EXOC1L: variants seen among roughly 807,000 people sequenced by gnomAD.
EXOC1L encodes exocyst complex component 1 like.
In EXOC1L, 10 loss-of-function variants were observed where a neutral mutation model predicts 4.9. The observed-to-expected ratio is 2.02, with a 90% CI of 1.25 to 3.43. The LOEUF is 3.43. EXOC1L is among the 30% of genes most tolerant of loss of function. The probability of loss-of-function intolerance (pLI) is 0.00; values close to 1 mark genes in which losing one functional copy is unlikely to be tolerated. For missense variants in EXOC1L, 114 were observed against 59.4 expected (o/e 1.92, Z -3.02); for synonymous variants, 41 against 20.8 (o/e 1.97, Z -2.63).
intron 1 of EXOC1L, among the ~76,000 whole-genome samples, chr4:55,823,771 C>T (rs1002181557): frequency 1.3e-5 from 2 of 151,890 alleles, no homozygotes; most frequent in African/African-American, 2.4e-5. Context: ...TGCAGTGTCA[C>T]GATTTCGGCT....
chr4:55,837,475 G>A lies in EXOC1L; in HGVS notation c.*124G>A, dbSNP rs1720202865. On this transcript the variant is annotated 3_prime_UTR_variant, in exon 3 of 3. Transcript: ENST00000636125. ...ATAATTTAAATAAAAATAAAGTAAT[G>A]CTTTGTGAATTGCAGTGAAATGCAT... 1 of 442,670 alleles carries A rather than the reference G, an allele frequency of 2.3e-6. No individual in the cohort carries two copies. The highest frequency in any genetic ancestry group is 4.0e-6 in the Non-Finnish European group (1 of 250,790). The allele number at this position is 442,670 out of a possible 1,614,324, so 27.4% of individuals were successfully genotyped here. A position where few individuals can be genotyped will look rare whatever the true frequency, so the allele number is the denominator to read the frequency against.
chr4:55,821,330 A>T (rs1719732023), intron 1 of EXOC1L, among the ~76,000 whole-genome samples: 1 of 152,178 alleles, frequency 6.6e-6, no homozygotes, highest in Non-Finnish European at 1.5e-5. Context: ...AAAGAAATTA[A>T]GTATTTTAGA....
At chr4:55,835,019 A>T (rs1343866936) in intron 2 of EXOC1L, among the ~76,000 whole-genome samples, 1 of 151,758 alleles carries the variant, frequency 6.6e-6, no homozygotes, top group African/African-American at 2.4e-5. Context: ...CCATTGTGTC[A>T]TTCTTATGCT....
At chr4:55,834,347 A>G (rs1276614083) in intron 2 of EXOC1L, among the ~76,000 whole-genome samples, 1 of 151,850 alleles carries the variant, frequency 6.6e-6, no homozygotes, top group Non-Finnish European at 1.5e-5. Flanking sequence ...CTCTGCCAAT[A>G]ACTAAATGTG....
At chr4:55,821,447 C>T (rs1044541762) in intron 1 of EXOC1L, among the ~76,000 whole-genome samples, 34 of 151,900 alleles carry the variant, frequency 2.2e-4, no homozygotes, top group African/African-American at 8.0e-4. Context: ...ATGCTTATTC[C>T]AACATTAAAA....
intron 2 of EXOC1L, 34 bp from the exon 3 acceptor site, chr4:55,837,051 T>C (rs1015153232): frequency 1.5e-6 from 1 of 650,378 alleles, no homozygotes; most frequent in Non-Finnish European, 2.8e-6. Context: ...CTTTCTTGGC[T>C]ACCAACTAAA....
Position 55,837,379 on chromosome 4 carries a change from G to T in EXOC1L, c.*28G>T. On this transcript the variant is annotated 3_prime_UTR_variant, in exon 3 of 3. Coordinates refer to ENST00000636125, the MANE Select transcript of EXOC1L (RefSeq NM_001351574.3). ...CTGTGTACCACATTCCTTCATCAGT[G>T]ACCTATGAAAATGGTTTCCCAAGTA... The T allele has an allele frequency of 2.2e-6, 1 of 447,422 alleles. No individual in the cohort carries two copies. Among genetic ancestry groups the T allele is most frequent in the South Asian group, 5.6e-5 (1 of 17,770 alleles). 27.7% of individuals were successfully genotyped at this position (447,422 alleles called of 1,614,324 possible).
chr4:55,823,239 T>C (rs931667407), intron 1 of EXOC1L, among the ~76,000 whole-genome samples: 5 of 152,020 alleles, frequency 3.3e-5, no homozygotes, highest in African/African-American at 1.2e-4. Context: ...TAATAATCAT[T>C]TACAATAAGA....
intron 1 of EXOC1L, among the ~76,000 whole-genome samples, chr4:55,822,520 A>G (rs927878683): frequency 6.6e-6 from 1 of 152,208 alleles, no homozygotes; most frequent in Non-Finnish European, 1.5e-5. Context: ...GGAATAAGTC[A>G]CATGTGCAAT....
intron 1 of EXOC1L, among the ~76,000 whole-genome samples, chr4:55,826,437 G>T (rs1038016955): frequency 2.0e-5 from 3 of 151,958 alleles, no homozygotes; most frequent in African/African-American, 7.3e-5. Flanking sequence ...TGGTAATAGA[G>T]GCATTTATTA....
chr4:55,819,963 G>A lies in EXOC1L; in HGVS notation c.-64G>A, dbSNP rs1719698443. The A allele has an allele frequency of 5.0e-6, 2 of 397,642 alleles. No individual in the cohort carries two copies. The highest frequency in any genetic ancestry group is 4.4e-5 in the Admixed American group (1 of 22,684). The allele number at this position is 397,642 out of a possible 1,614,324, so 24.6% of individuals were successfully genotyped here. A position where few individuals can be genotyped will look rare whatever the true frequency, so the allele number is the denominator to read the frequency against. ...CTGCAAACCCAAACGAGAAATCTAG[G>A]GAGCAAAAGGAGAGGAAAGAGTGAG... On this transcript the variant is annotated 5_prime_UTR_variant, in exon 1 of 3. Coordinates refer to ENST00000636125, the MANE Select transcript of EXOC1L (RefSeq NM_001351574.3).
intron 1 of EXOC1L, among the ~76,000 whole-genome samples, chr4:55,825,241 T>C (rs918061430): frequency 1.8e-4 from 28 of 152,296 alleles, no homozygotes; most frequent in African/African-American, 6.5e-4. Context: ...AGAAGTTAAG[T>C]ACCTAGTCCA....
intron 1 of EXOC1L, among the ~76,000 whole-genome samples, chr4:55,824,144 G>T (rs975107522): frequency 5.3e-5 from 8 of 151,892 alleles, no homozygotes; most frequent in Non-Finnish European, 8.8e-5. Flanking sequence ...ATGGGGAACA[G>T]ACCTTGAATA....
At chr4:55,831,593 T>A (rs1341710434) in intron 2 of EXOC1L, 129 bp downstream of exon 2, 1 of 459,508 alleles carries the variant, frequency 2.2e-6, no homozygotes, top group African/African-American at 2.0e-5. Flanking sequence ...GTAAGTGGCA[T>A]AGTTTAATCT....
chr4:55,831,199 C>A, intron 1 of EXOC1L, 135 bp from the exon 2 acceptor site: 2 of 475,948 alleles, frequency 4.2e-6, no homozygotes. Context: ...TCAGGACTCA[C>A]AATTGAGGCG....
chr4:55,836,562 T>A (rs1467354891), intron 2 of EXOC1L, among the ~76,000 whole-genome samples: 1 of 151,948 alleles, frequency 6.6e-6, no homozygotes, highest in Non-Finnish European at 1.5e-5. Flanking sequence ...TTCAGTCAAA[T>A]GATTTGATCG....
At chr4:55,828,795 A>G (rs950891964) in intron 1 of EXOC1L, among the ~76,000 whole-genome samples, 2 of 152,174 alleles carry the variant, frequency 1.3e-5, no homozygotes, top group African/African-American at 4.8e-5. Context: ...GTGAGCCATG[A>G]TCATGCCACT....
chr4:55,831,335 G>T lies in EXOC1L; in HGVS notation c.123G>T (p.Val41=). 1 of 645,744 alleles carries T rather than the reference G, an allele frequency of 1.5e-6. No individual in the cohort carries two copies. Among genetic ancestry groups the T allele is most frequent in the South Asian group, 1.8e-5 (1 of 56,142 alleles). The allele number at this position is 645,744 out of a possible 1,614,324, so 40.0% of individuals were successfully genotyped here. The change falls in exon 2 of 3, where the codon GTG becomes GTT. Residue 41 remains valine (V), a splice_region_variant and synonymous_variant. Coordinates refer to ENST00000636125, the MANE Select transcript of EXOC1L (RefSeq NM_001351574.3). ...ACTAAGTATTTTTCTGTCCTACAGTGACCAAAAAGGAAGAAGTAAAAATAG... is the reference window on the plus strand; with the variant it reads ...ACTAAGTATTTTTCTGTCCTACAGTTACCAAAAAGGAAGAAGTAAAAATAG... ...VQDRYYLCVS[V]TKKEEVKIVM...
Position 55,820,086 on chromosome 4 carries a change from T to A in EXOC1L, c.60T>A (p.Asn20Lys), listed in dbSNP as rs1251223819. ...AACTGTTTAAGCCACTCTCGCAGAA[T>A]CTGTACGAGTTTATTGAAATAGAGT... ...EKKLFKPLSQ[N>K]LYEFIEIEFS... The change falls in exon 1 of 3, where the codon AAT becomes AAA. Residue 20 changes from asparagine (N) to lysine (K), a missense_variant. Transcript: ENST00000636125. 7.5e-6 allele frequency: 3 copies of A among 398,932 alleles called. No homozygotes were observed. The highest frequency in any genetic ancestry group is 6.2e-5 in the African/African-American group (3 of 48,616). 24.7% of individuals were successfully genotyped at this position (398,932 alleles called of 1,614,324 possible).
Sources: allele counts gnomAD v4.1 joint callset (sites outside exome capture counted in the v4.1 genomes callset), GRCh38; gene constraint gnomAD v4.1.1; transcripts MANE v1.5; gene names NCBI Gene and HGNC (gene_info 2026-07-23, HGNC 2026-07-21).